Variants in ATP8B4 observed in about 807,000 individuals in gnomAD.
ATP8B4 encodes probable phospholipid-transporting ATPase IM.
ATP8B4 carries 133 observed loss-of-function variants against 145.6 expected under a neutral mutation model. That is an observed-to-expected ratio of 0.91 (90% CI 0.79 to 1.05). ATP8B4 has a LOEUF of 1.05. Ranked by LOEUF, ATP8B4 falls within the 50% of genes least tolerant of loss-of-function variation. The pLI is 0.00. For missense variants in ATP8B4, 1,458 were observed against 1,425.2 expected (o/e 1.02, Z -0.37); for synonymous variants, 507 against 492.9 (o/e 1.03, Z -0.38).
intron 9 of ATP8B4, 37 bp downstream of exon 9, chr15:49,996,640 T>G (rs780525278): frequency 5.4e-6 from 8 of 1,484,652 alleles, no homozygotes; most frequent in Non-Finnish European, 6.5e-6. Flanking sequence ...TTTTTGGGTT[T>G]GAGGTTTTTG....
intron 10 of ATP8B4, chr15:49,982,529 A>G (rs951782929): frequency 1.3e-5 from 2 of 152,148 alleles, no homozygotes; most frequent in African/African-American, 4.8e-5. Flanking sequence ...TAGTACTTAG[A>G]TGGGAGACTG....
At chr15:49,977,842 AAATT>A (rs1276379535) in intron 12 of ATP8B4, among the ~76,000 whole-genome samples, 1 of 152,158 alleles carries the variant, frequency 6.6e-6, no homozygotes, top group African/African-American at 2.4e-5. Context: ...AGTAACTCAG[AAATT>A]AATTCTTTTA....
intron 1 of ATP8B4, among the ~76,000 whole-genome samples, chr15:50,152,119 T>C (rs1303384096): frequency 6.6e-6 from 1 of 152,184 alleles, no homozygotes; most frequent in Non-Finnish European, 1.5e-5. Context: ...AAAAAAATTA[T>C]ATTTAGTTCA....
intron 20 of ATP8B4, 33 bp from the exon 21 acceptor site, chr15:49,901,272 A>G (rs374543898): frequency 3.1e-5 from 50 of 1,605,522 alleles, no homozygotes; most frequent in Admixed American, 6.7e-5. Context: ...GAAACATAAC[A>G]AAGCATACAG....
chr15:50,023,535 T>A (rs1599868065), intron 6 of ATP8B4, among the ~76,000 whole-genome samples: 1 of 152,290 alleles, frequency 6.6e-6, no homozygotes, highest in Middle Eastern at 3.4e-3. Flanking sequence ...ATAGGGCCTC[T>A]GTTGCTTATT....
At chr15:50,002,644 G>T (rs528749954) in intron 7 of ATP8B4, among the ~76,000 whole-genome samples, 1 of 152,116 alleles carries the variant, frequency 6.6e-6, no homozygotes, top group South Asian at 2.1e-4. Flanking sequence ...GGAAAAGACA[G>T]AAGGGAAATA....
At chr15:49,890,997 A>G (rs1673216974) in intron 23 of ATP8B4, among the ~76,000 whole-genome samples, 1 of 152,194 alleles carries the variant, frequency 6.6e-6, no homozygotes, top group South Asian at 2.1e-4. Context: ...AGTTTTTGAA[A>G]GGTATTTCTC....
chr15:49,896,202 C>T (rs1156313226), intron 23 of ATP8B4: 1 of 151,220 alleles, frequency 6.6e-6, no homozygotes, highest in Non-Finnish European at 1.5e-5. Context: ...AAGAGATTAA[C>T]AAAAAAAAGG....
intron 1 of ATP8B4, among the ~76,000 whole-genome samples, chr15:50,169,543 A>T (rs1290420443): frequency 6.6e-6 from 1 of 152,234 alleles, no homozygotes; most frequent in African/African-American, 2.4e-5. Context: ...CTTCAGCCCT[A>T]GACCTTCCCT....
chr15:49,872,532 A>C (rs2153387638), intron 25 of ATP8B4, among the ~76,000 whole-genome samples: 1 of 152,284 alleles, frequency 6.6e-6, no homozygotes, highest in Middle Eastern at 3.4e-3. Flanking sequence ...ACCTGTATAA[A>C]TCATGTTGCT....
At chr15:50,022,097 A>T (rs1030097984) in intron 6 of ATP8B4, among the ~76,000 whole-genome samples, 4 of 152,196 alleles carry the variant, frequency 2.6e-5, no homozygotes, top group African/African-American at 9.7e-5. Flanking sequence ...AAAGGAAAAA[A>T]GTGGAAAGCA....
At chr15:49,945,328 A>G (rs968363873) in intron 14 of ATP8B4, among the ~76,000 whole-genome samples, 1 of 152,174 alleles carries the variant, frequency 6.6e-6, no homozygotes, top group African/African-American at 2.4e-5. Flanking sequence ...AGAAAGTCTA[A>G]GCATACCCAT....
At position 49,979,742 on chromosome 15, in the gene ATP8B4, C is replaced by T. The variant is rs2045990671; in HGVS notation, c.909G>A (p.Gly303=). 1 of 1,611,006 alleles carries T rather than the reference C, an allele frequency of 6.2e-7. No homozygotes were observed. Among genetic ancestry groups the T allele is most frequent in the Non-Finnish European group, 8.5e-7 (1 of 1,177,808 alleles). The change falls in exon 12 of 28, where the codon GGG becomes GGA. Residue 303 remains glycine (G), a synonymous_variant. Coordinates refer to ENST00000284509, the MANE Select transcript of ATP8B4 (RefSeq NM_024837.4). ...AAAAGAGGAAAGTTCTGAATTGGTCCCCAGTTTGACTCTCCCAGATTGAAT... is the reference window on the plus strand; with the variant it reads ...AAAAGAGGAAAGTTCTGAATTGGTCTCCAGTTTGACTCTCCCAGATTGAAT... ...IGNSIWESQT[G]DQFRTFLFWN... is the part of the protein sequence containing the mutation.
chr15:50,035,090 A>G (rs968334839), intron 6 of ATP8B4, among the ~76,000 whole-genome samples: 1 of 152,204 alleles, frequency 6.6e-6, no homozygotes, highest in Non-Finnish European at 1.5e-5. Flanking sequence ...GCACTTTCAC[A>G]TATTACAACA....
intron 3 of ATP8B4, among the ~76,000 whole-genome samples, chr15:50,068,509 C>T (rs974191808): frequency 1.3e-5 from 2 of 152,132 alleles, no homozygotes; most frequent in African/African-American, 4.8e-5. Flanking sequence ...GCATGTAAAA[C>T]TACTGGTTAA....
At chr15:50,006,190 G>T (rs2048285633) in intron 7 of ATP8B4, among the ~76,000 whole-genome samples, 2 of 149,934 alleles carry the variant, frequency 1.3e-5, no homozygotes, top group African/African-American at 4.9e-5. Flanking sequence ...GATTTGAGAA[G>T]AATAAGAAAA....
chr15:50,155,825 A>G (rs563182350), intron 1 of ATP8B4, among the ~76,000 whole-genome samples: 2 of 152,020 alleles, frequency 1.3e-5, no homozygotes, highest in East Asian at 3.9e-4. Context: ...GATCCAAATT[A>G]TATTTCTGAC....
intron 1 of ATP8B4, among the ~76,000 whole-genome samples, chr15:50,170,489 T>C (rs572892806): frequency 1.4e-5 from 1 of 70,056 alleles, no homozygotes; most frequent in Non-Finnish European, 3.2e-5. Flanking sequence ...AATTCACCAT[T>C]ACCAAACCCC....
At chr15:50,140,393 CTAATGTG>C (rs1182633819) in intron 1 of ATP8B4, among the ~76,000 whole-genome samples, 1 of 152,170 alleles carries the variant, frequency 6.6e-6, no homozygotes, top group Non-Finnish European at 1.5e-5. Flanking sequence ...AATCCATTTC[CTAATGTG>C]TAATGTGTAA....
Sources: allele counts gnomAD v4.1 joint callset (sites outside exome capture counted in the v4.1 genomes callset), GRCh38; gene constraint gnomAD v4.1.1; transcripts MANE v1.5; gene names NCBI Gene and HGNC (gene_info 2026-07-23, HGNC 2026-07-21).